Variants in PKN2 observed in about 807,000 individuals in gnomAD.
PKN2 encodes the protein serine/threonine-protein kinase N2.
In PKN2, 38 loss-of-function variants were observed where a neutral mutation model predicts 119.1. That is an observed-to-expected ratio of 0.32 (90% CI 0.25 to 0.42). The LOEUF (loss-of-function observed/expected upper bound fraction) is 0.42, where lower values mean the gene tolerates loss of function less well. Among genes scored for constraint, PKN2 ranks in the 10% least tolerant of loss-of-function variants. The pLI, the probability that PKN2 is intolerant of heterozygous loss-of-function variation, is 1.00. For synonymous variants in PKN2, 390 were observed against 384.9 expected (o/e 1.01, Z -0.15); for missense variants, 850 against 1,165.1 (o/e 0.73, Z 3.94).
At chr1:88,695,838 G>GTCTC (rs1666521380) in intron 1 of PKN2, among the ~76,000 whole-genome samples, 1 of 151,934 alleles carries the variant, frequency 6.6e-6, no homozygotes, top group South Asian at 2.1e-4. Context: ...ATAAGTTAAC[G>GTCTC]TCTCTCATGT....
At chr1:88,828,444 T>C (rs750899078) in intron 18 of PKN2, 37 bp from the exon 19 acceptor site, 6 of 1,545,008 alleles carry the variant, frequency 3.9e-6, no homozygotes, top group African/African-American at 2.7e-5. Context: ...AGATTTGTTT[T>C]CTTTGCTAAC....
chr1:88,794,397 G>T (rs1389367633), intron 8 of PKN2, among the ~76,000 whole-genome samples: 5 of 151,190 alleles, frequency 3.3e-5, no homozygotes, highest in Non-Finnish European at 7.4e-5. Flanking sequence ...CAATATGCCA[G>T]CCTTTCACCA....
intron 1 of PKN2, among the ~76,000 whole-genome samples, chr1:88,700,684 TTC>T (rs1373530492): frequency 6.6e-6 from 1 of 152,212 alleles, no homozygotes; most frequent in Non-Finnish European, 1.5e-5. Flanking sequence ...GTATTTTTGG[TTC>T]TTCATTCTGA....
At chr1:88,720,213 G>A (rs1212276909) in intron 1 of PKN2, among the ~76,000 whole-genome samples, 1 of 152,032 alleles carries the variant, frequency 6.6e-6, no homozygotes, top group Non-Finnish European at 1.5e-5. Context: ...TAGAGACGAG[G>A]TTTCACCATG....
rs1671526058 is a variant in PKN2, at chr1:88,806,069, T to C, written c.1803+52T>C. On this transcript the variant is annotated intron_variant, in intron 12 of 21. Transcript: ENST00000370521. ...TCCTCTTCACTGAATGAATTAGCAA[T>C]AAAAGCATCATAGTGAATAAGGCGT... 7 of 1,497,232 alleles carry C rather than the reference T, an allele frequency of 4.7e-6. No individual in the cohort carries two copies. In the East Asian group the frequency reaches 1.4e-4, roughly 29 times the overall value. The allele number at this position is 1,497,232 out of a possible 1,614,324, so 92.7% of individuals were successfully genotyped here.
intron 2 of PKN2, among the ~76,000 whole-genome samples, chr1:88,753,232 T>C (rs139603179): frequency 0.011 from 1,656 of 152,276 alleles, 25 homozygotes; most frequent in African/African-American, 0.039. Context: ...TTCATGACTT[T>C]TTTATTTGTT....
intron 1 of PKN2, among the ~76,000 whole-genome samples, chr1:88,712,335 A>G (rs1667268933): frequency 6.6e-6 from 1 of 152,148 alleles, no homozygotes; most frequent in African/African-American, 2.4e-5. Flanking sequence ...AAAAACCTGT[A>G]TTCTAAGTAT....
chr1:88,775,358 G>A (rs1429021179), intron 6 of PKN2, among the ~76,000 whole-genome samples: 1 of 152,172 alleles, frequency 6.6e-6, no homozygotes, highest in East Asian at 1.9e-4. Flanking sequence ...AATCTTAACA[G>A]TATGTAGCCT....
chr1:88,703,221 T>C (rs1476798752), intron 1 of PKN2, among the ~76,000 whole-genome samples: 1 of 152,136 alleles, frequency 6.6e-6, no homozygotes, highest in Non-Finnish European at 1.5e-5. Flanking sequence ...TAATGTATAG[T>C]GAGAGATCCT....
At chr1:88,776,874 G>GT (rs563022562) in intron 6 of PKN2, among the ~76,000 whole-genome samples, 6 of 151,798 alleles carry the variant, frequency 4.0e-5, no homozygotes, top group Admixed American at 1.3e-4. Context: ...GCTTTTCTTT[G>GT]TTTTTTCACA....
At chr1:88,808,809 A>G (rs1671666732) in intron 15 of PKN2, among the ~76,000 whole-genome samples, 1 of 152,228 alleles carries the variant, frequency 6.6e-6, no homozygotes, top group Admixed American at 6.5e-5. Context: ...TTAATGGTAG[A>G]CAGCTCTGTA....
At chr1:88,824,173 A>C (rs780183724) in intron 17 of PKN2, 137 bp from the exon 18 acceptor site, 4 of 567,004 alleles carry the variant, frequency 7.1e-6, no homozygotes, top group Non-Finnish European at 1.2e-5. Context: ...TAGTATTTAA[A>C]TCTCAAATCA....
chr1:88,715,283 A>C (rs1367877340), intron 1 of PKN2, among the ~76,000 whole-genome samples: 4 of 152,208 alleles, frequency 2.6e-5, no homozygotes, highest in African/African-American at 9.7e-5. Context: ...TGGCCTCATA[A>C]AATGAGTTAG....
At chr1:88,686,694 A>G (rs1666116445) in intron 1 of PKN2, among the ~76,000 whole-genome samples, 1 of 152,132 alleles carries the variant, frequency 6.6e-6, no homozygotes, top group Non-Finnish European at 1.5e-5. Context: ...ACTATTACTT[A>G]TATCAACACT....
At chr1:88,689,119 G>C (rs925512020) in intron 1 of PKN2, among the ~76,000 whole-genome samples, 5 of 152,122 alleles carry the variant, frequency 3.3e-5, no homozygotes, top group African/African-American at 1.2e-4. Flanking sequence ...GGTGGTTTGG[G>C]GGTTGGTGGT....
chr1:88,700,902 A>T (rs1269586155), intron 1 of PKN2, among the ~76,000 whole-genome samples: 1 of 151,922 alleles, frequency 6.6e-6, no homozygotes, highest in African/African-American at 2.4e-5. Context: ...TGTTACTTAA[A>T]TTTTTTCTGC....
At chr1:88,781,485 C>T (rs1335667260) in intron 6 of PKN2, among the ~76,000 whole-genome samples, 1 of 152,034 alleles carries the variant, frequency 6.6e-6, no homozygotes, top group Admixed American at 6.5e-5. Flanking sequence ...TGTTCTAATG[C>T]AATTCATAGT....
intron 8 of PKN2, among the ~76,000 whole-genome samples, chr1:88,803,508 C>T (rs1324766779): frequency 6.6e-6 from 1 of 152,068 alleles, no homozygotes; most frequent in African/African-American, 2.4e-5. Context: ...AAGTCCAGTA[C>T]TTTATGATTA....
chr1:88,827,023 A>G (rs1330885873), intron 18 of PKN2, among the ~76,000 whole-genome samples: 3 of 152,112 alleles, frequency 2.0e-5, no homozygotes, highest in African/African-American at 7.2e-5. Context: ...TGTGCCCTTC[A>G]GGTCTTGGTT....
Sources: gnomAD v4.1 joint callset for allele counts (sites outside exome capture counted in the v4.1 genomes callset) on GRCh38, gnomAD v4.1.1 for gene constraint, MANE v1.5 for transcripts, NCBI Gene and HGNC (gene_info 2026-07-23, HGNC 2026-07-21) for gene names.